The following MICAL3 variants were observed in gnomAD, a reference collection of about 807,000 sequenced individuals.
MICAL3 encodes [F-actin]-monooxygenase MICAL3.
In MICAL3, 62 loss-of-function variants were observed where a neutral mutation model predicts 207.4. The ratio of observed to expected loss-of-function variants is 0.30; its 90% CI spans 0.24 to 0.37. The LOEUF is 0.37. Among genes scored for constraint, MICAL3 ranks in the 10% least tolerant of loss-of-function variants. The pLI is 1.00. For synonymous variants in MICAL3, 1,077 were observed against 1,069.3 expected (o/e 1.01, Z -0.14); for missense variants, 2,368 against 2,635.6 (o/e 0.90, Z 2.22).
At chr22:17,978,756 T>G (rs189536610) in intron 1 of MICAL3, among the ~76,000 whole-genome samples, 228 of 151,922 alleles carry the variant, frequency 1.5e-3, no homozygotes, top group Non-Finnish European at 2.6e-3. Flanking sequence ...TGACCTCAGG[T>G]GATCTGCCCG....
At chr22:17,838,543 C>CTAT (rs1923649063) in intron 20 of MICAL3, among the ~76,000 whole-genome samples, 1 of 152,152 alleles carries the variant, frequency 6.6e-6, no homozygotes, top group African/African-American at 2.4e-5. Context: ...CAAAACAAAC[C>CTAT]TATGAAGTGC....
rs949947336 is a variant in MICAL3, at chr22:17,950,019, A to T, written c.-74-43133T>A. 4.6e-5 allele frequency among the ~76,000 whole-genome samples: 7 copies of T among 152,244 alleles called. No individual in the cohort carries two copies. In the South Asian group the frequency reaches 1.0e-3, roughly 22 times the overall value. On this transcript the variant is annotated intron_variant, in intron 1 of 31. Transcript: ENST00000441493. ...TCTAGAAAGGGAGAGATGTGATCAG[A>T]AACAGCCTGTAGAGGACTAAGTAGA...
intron 1 of MICAL3, among the ~76,000 whole-genome samples, chr22:17,970,902 C>T (rs1260385971): frequency 6.6e-6 from 1 of 152,138 alleles, no homozygotes; most frequent in African/African-American, 2.4e-5. Context: ...CTTCTGGAGG[C>T]CGGGCATAGT....
intron 19 of MICAL3, among the ~76,000 whole-genome samples, chr22:17,848,920 T>C (rs1171928997): frequency 6.6e-6 from 1 of 152,232 alleles, no homozygotes; most frequent in Non-Finnish European, 1.5e-5. Context: ...AGCTATGTTC[T>C]CATTCCAGGA....
At chr22:17,994,212 G>A (rs1030156629) in intron 1 of MICAL3, among the ~76,000 whole-genome samples, 1 of 152,218 alleles carries the variant, frequency 6.6e-6, no homozygotes, top group African/African-American at 2.4e-5. Flanking sequence ...CTTTGTTGGT[G>A]GAGGAGGGAG....
chr22:17,791,398 G>T, intron 29 of MICAL3, 97 bp from the exon 30 acceptor site: 1 of 1,056,864 alleles, frequency 9.5e-7, no homozygotes, highest in Non-Finnish European at 1.4e-6. Context: ...GGCCGAGCAA[G>T]ATGCTGCCGG....
At chr22:17,910,184 A>G (rs1044293052) in intron 1 of MICAL3, among the ~76,000 whole-genome samples, 8 of 152,226 alleles carry the variant, frequency 5.3e-5, no homozygotes, top group East Asian at 1.9e-4. Context: ...CCTGCAACCC[A>G]TAACTCCAAA....
chr22:17,989,828 G>A (rs527441397), intron 1 of MICAL3, among the ~76,000 whole-genome samples: 46 of 152,328 alleles, frequency 3.0e-4, no homozygotes, highest in African/African-American at 9.6e-4. Flanking sequence ...TTCTGAACCA[G>A]TGCTTGGCAT....
At chr22:17,876,946 T>C (rs200253715) in intron 16 of MICAL3, 3 of 2,582 alleles carry the variant, frequency 1.2e-3, no homozygotes, top group Non-Finnish European at 1.6e-3. Context: ...AGGGAGGTTA[T>C]GGAGGTTATG....
At chr22:17,881,218 T>G (rs771493406) in intron 16 of MICAL3, 2 of 1,612,640 alleles carry the variant, frequency 1.2e-6, no homozygotes, top group Non-Finnish European at 1.7e-6. Context: ...CTGGCCGCCA[T>G]GTGCCCGACA....
At chr22:18,016,002 T>C (rs1924031322) in intron 1 of MICAL3, among the ~76,000 whole-genome samples, 1 of 152,190 alleles carries the variant, frequency 6.6e-6, no homozygotes, top group South Asian at 2.1e-4. Context: ...AAAACCTTTG[T>C]TAACTAACTT....
At chr22:17,872,196 G>A (rs1011174096) in intron 16 of MICAL3, among the ~76,000 whole-genome samples, 173 bp from the exon 17 acceptor site, 34 of 152,202 alleles carry the variant, frequency 2.2e-4, no homozygotes, top group African/African-American at 8.0e-4. Flanking sequence ...ACAGAGTGAC[G>A]GCACCGCCAC....
chr22:17,986,822 C>A (rs181894104), intron 1 of MICAL3, among the ~76,000 whole-genome samples: 2 of 152,120 alleles, frequency 1.3e-5, no homozygotes, highest in African/African-American at 4.8e-5. Flanking sequence ...AAAGAAAATG[C>A]CTTTTTGTCC....
rs746545486 is a variant in MICAL3, at chr22:17,841,934, G to A, written c.2689C>T (p.Arg897Cys). The change falls in exon 20 of 32, where the codon CGC (arginine) becomes TGC (cysteine). Residue 897 changes from arginine to cysteine, a missense_variant. This residue lies in a region of MICAL3 where 1,770 missense variants were observed against 1,863.2 expected (regional missense o/e 0.95). Transcript: ENST00000441493. The surrounding 1 kb of genome is among the most constrained non-coding windows in gnomAD (Gnocchi z 4.2). ...GCCTCAGCCTGCCTCAGGGACAGGC[G>A]GTAGTTCTCCAGCTCGATCCGCTCT... ...TPERIELENYRLSLRQAEALQ... is the reference protein window; with the variant it reads ...TPERIELENYCLSLRQAEALQ... 5 of 1,603,442 alleles carry A rather than the reference G, an allele frequency of 3.1e-6. No individual in the cohort carries two copies. The South Asian group carries it at 3.4e-5, about 11-fold the overall frequency.
intron 1 of MICAL3, among the ~76,000 whole-genome samples, chr22:17,988,165 TGGC>T (rs1921242890): frequency 1.3e-5 from 2 of 152,186 alleles, no homozygotes; most frequent in African/African-American, 4.8e-5. Flanking sequence ...GTCATACTCC[TGGC>T]ACTTGGAAAA....
intron 1 of MICAL3, among the ~76,000 whole-genome samples, chr22:18,002,059 G>A (rs368507652): frequency 8.0e-4 from 122 of 152,246 alleles, no homozygotes; most frequent in Non-Finnish European, 1.3e-3. Flanking sequence ...TTAGCCGGGC[G>A]TGGTTGCACG....
intron 7 of MICAL3, among the ~76,000 whole-genome samples, chr22:17,898,119 A>AC (rs1931008430): frequency 6.6e-6 from 1 of 151,724 alleles, no homozygotes; most frequent in Admixed American, 6.6e-5. Flanking sequence ...AAAAAAAAAA[A>AC]ACATGAAGGC....
chr22:17,801,901 A>C (rs926351899), intron 29 of MICAL3, among the ~76,000 whole-genome samples: 1 of 151,958 alleles, frequency 6.6e-6, no homozygotes, highest in Non-Finnish European at 1.5e-5. Flanking sequence ...CTCAAAAAAA[A>C]CAAACAAACA....
intron 28 of MICAL3, among the ~76,000 whole-genome samples, chr22:17,809,527 G>A (rs558782739): frequency 1.6e-4 from 25 of 152,318 alleles, no homozygotes; most frequent in South Asian, 4.1e-4. Flanking sequence ...CCAGCTACTC[G>A]GGAGGCTGAG....
Sources: gnomAD v4.1 joint callset for allele counts (sites outside exome capture counted in the v4.1 genomes callset) on GRCh38, gnomAD v4.1.1 for gene constraint, gnomAD v4.1.1 regional missense constraint, Gnocchi (gnomAD v3.1) non-coding constraint, MANE v1.5 for transcripts, NCBI Gene and HGNC (gene_info 2026-07-23, HGNC 2026-07-21) for gene names.